IMMP2L: variants seen among roughly 807,000 people sequenced by gnomAD.
The protein encoded by IMMP2L is inner mitochondrial membrane peptidase subunit 2, also known as mitochondrial inner membrane protease subunit 2.
A neutral mutation model predicts 19.3 loss-of-function variants in IMMP2L; 18 were observed. That is an observed-to-expected ratio of 0.93 (90% CI 0.64 to 1.38). The LOEUF is 1.38. Among genes scored for constraint, IMMP2L ranks in the 40% most tolerant of loss-of-function variants. The pLI is 0.00. For missense variants in IMMP2L, 233 were observed against 218.2 expected, an observed-to-expected ratio of 1.07 and a Z score of -0.43; for synonymous variants, 76 against 73.0, an observed-to-expected ratio of 1.04 and a Z score of -0.21.
chr7:110,908,488 C>T (rs1812711005), intron 4 of IMMP2L, among the ~76,000 whole-genome samples: 1 of 152,126 alleles, frequency 6.6e-6, no homozygotes, highest in Non-Finnish European at 1.5e-5. Context: ...ATGTTTCAGA[C>T]TTTTCTGTGT....
intron 3 of IMMP2L, among the ~76,000 whole-genome samples, chr7:111,394,134 A>G (rs1385602355): frequency 6.6e-6 from 1 of 152,180 alleles, no homozygotes; most frequent in South Asian, 2.1e-4. Flanking sequence ...CGATAATATC[A>G]TAGTTTAACT....
At chr7:111,543,851 GA>G (rs1848685993) in intron 1 of IMMP2L, among the ~76,000 whole-genome samples, 1 of 152,170 alleles carries the variant, frequency 6.6e-6, no homozygotes, top group East Asian at 1.9e-4. Context: ...AAGCTGAACA[GA>G]AAATACTTTT....
chr7:110,779,011 T>C (rs755288729), intron 5 of IMMP2L, among the ~76,000 whole-genome samples: 3 of 151,942 alleles, frequency 2.0e-5, no homozygotes, highest in Admixed American at 6.6e-5. Flanking sequence ...GTAACATGAA[T>C]AGAAAGCGAA....
At chr7:110,680,512 A>G (rs1348147489) in intron 5 of IMMP2L, among the ~76,000 whole-genome samples, 2 of 152,128 alleles carry the variant, frequency 1.3e-5, no homozygotes, top group Admixed American at 1.3e-4. Flanking sequence ...AGTGGTCTAA[A>G]CCCGAGAAAA....
intron 3 of IMMP2L, among the ~76,000 whole-genome samples, chr7:111,226,595 C>G (rs1813129909): frequency 6.6e-6 from 1 of 152,090 alleles, no homozygotes; most frequent in South Asian, 2.1e-4. Context: ...CTTTGATTTT[C>G]TGCTAAATGA....
chr7:111,205,611 C>G (rs943975434), intron 3 of IMMP2L, among the ~76,000 whole-genome samples: 1 of 151,806 alleles, frequency 6.6e-6, no homozygotes, highest in Non-Finnish European at 1.5e-5. Context: ...AATTTGTAAA[C>G]TATCCATATC....
rs181606093 is a variant in IMMP2L, at chr7:111,226,232, C to T, written c.239+261006G>A. 2.0e-4 allele frequency among the ~76,000 whole-genome samples: 31 copies of T among 152,174 alleles called. 1 individual carries two copies. The highest frequency in any genetic ancestry group is 2.0e-3 in the Admixed American group (30 of 15,266). On this transcript the variant is annotated intron_variant, in intron 3 of 5. Coordinates refer to ENST00000405709, the MANE Select transcript of IMMP2L (RefSeq NM_032549.4). ...AGTATGGCACAATCACGGCTCACTGCAGTCTCGACCTCCCAGATTCAACCA... is the reference window on the plus strand; with the variant it reads ...AGTATGGCACAATCACGGCTCACTGTAGTCTCGACCTCCCAGATTCAACCA...
intron 3 of IMMP2L, among the ~76,000 whole-genome samples, chr7:111,121,435 TTC>T (rs1254301835): frequency 6.6e-6 from 1 of 152,168 alleles, no homozygotes; most frequent in Non-Finnish European, 1.5e-5. Flanking sequence ...GAACAGACAA[TTC>T]TCAAAAGAAG....
At position 111,378,702 on chromosome 7, in the gene IMMP2L, G is replaced by C. The variant is rs117811105; in HGVS notation, c.239+108536C>G. Among the ~76,000 whole-genome samples the C allele has an allele frequency of 3.5e-3, 533 of 151,916 alleles. 6 individuals are homozygous for C. Among genetic ancestry groups the C allele is most frequent in the East Asian group, 0.022 (115 of 5,180 alleles). On this transcript the variant is annotated intron_variant, in intron 3 of 5. Coordinates refer to ENST00000405709, the MANE Select transcript of IMMP2L (RefSeq NM_032549.4). The stretch of plus-strand genomic sequence containing the variant: ...AATATCCAATTGCATTCTCACATCA[G>C]TATTAACAAAAAAGCTGTTAGCAAC...
At chr7:111,494,092 G>A (rs1014362330) in intron 2 of IMMP2L, among the ~76,000 whole-genome samples, 1 of 152,106 alleles carries the variant, frequency 6.6e-6, no homozygotes, top group African/African-American at 2.4e-5. Context: ...ATTTGATATG[G>A]CCACAGAATC....
At chr7:111,243,703 T>A (rs1487828175) in intron 3 of IMMP2L, among the ~76,000 whole-genome samples, 5 of 98,834 alleles carry the variant, frequency 5.1e-5, no homozygotes. Flanking sequence ...AGTGTGATAT[T>A]CCCCTTCCTG....
At chr7:111,311,683 T>C (rs970980619) in intron 3 of IMMP2L, among the ~76,000 whole-genome samples, 2 of 152,140 alleles carry the variant, frequency 1.3e-5, no homozygotes, top group South Asian at 4.1e-4. Context: ...GGCCATGATG[T>C]TGTATCAGGG....
At chr7:111,033,285 T>A (rs2129569286) in intron 3 of IMMP2L, among the ~76,000 whole-genome samples, 1 of 152,284 alleles carries the variant, frequency 6.6e-6, no homozygotes, top group South Asian at 2.1e-4. Flanking sequence ...CTATTACACA[T>A]TCAACCGTGA....
chr7:111,407,057 C>T (rs761274963), intron 3 of IMMP2L, among the ~76,000 whole-genome samples: 1 of 151,998 alleles, frequency 6.6e-6, no homozygotes, highest in African/African-American at 2.4e-5. Flanking sequence ...GAGTAAGACA[C>T]ATAAATATGT....
chr7:111,561,076 T>A (rs1206664478), intron 1 of IMMP2L, among the ~76,000 whole-genome samples: 7 of 152,142 alleles, frequency 4.6e-5, no homozygotes, highest in Non-Finnish European at 7.4e-5. Context: ...CCCAACCTTG[T>A]GAGAGGAGCT....
At chr7:111,135,155 TG>T (rs1477066791) in intron 3 of IMMP2L, among the ~76,000 whole-genome samples, 2 of 152,146 alleles carry the variant, frequency 1.3e-5, no homozygotes, top group Admixed American at 6.5e-5. Flanking sequence ...TTAGCTTTAC[TG>T]AAACCAGAAG....
rs939609304 is a variant in IMMP2L at position 111,403,929 on chromosome 7, T to G, written c.239+83309A>C. Reference sequence around the variant, plus strand: ...AAGTCTTTTGAAAGGTTTGTGTTTATTTTTCTAACCTATATATTACTGTAA... The same window carrying G: ...AAGTCTTTTGAAAGGTTTGTGTTTAGTTTTCTAACCTATATATTACTGTAA... On this transcript the variant is annotated intron_variant, in intron 3 of 5. Coordinates refer to ENST00000405709, the MANE Select transcript of IMMP2L (RefSeq NM_032549.4). Among the ~76,000 whole-genome samples, 7 of 152,116 alleles carry G rather than the reference T, an allele frequency of 4.6e-5. 1 individual carries two copies. The highest frequency in any genetic ancestry group is 1.4e-4 in the African/African-American group (6 of 41,428).
chr7:111,539,196 G>GAAGGAAGGAAGGAAGGAAGGAAGGAGAA (rs1848235484), intron 1 of IMMP2L, among the ~76,000 whole-genome samples: 1 of 30,052 alleles, frequency 3.3e-5, no homozygotes, highest in African/African-American at 1.7e-4. Context: ...AGGAAGGAGG[G>GAAGGAAGGAAGGAAGGAAGGAAGGAGAA]AGAAAGAAAG....
intron 3 of IMMP2L, among the ~76,000 whole-genome samples, chr7:111,085,534 G>T (rs1796242230): frequency 6.6e-6 from 1 of 152,120 alleles, no homozygotes; most frequent in Admixed American, 6.5e-5. Flanking sequence ...GACTGATGTG[G>T]GATGGTACCA....
Sources: gnomAD v4.1 joint callset for allele counts (sites outside exome capture counted in the v4.1 genomes callset) on GRCh38, gnomAD v4.1.1 for gene constraint, MANE v1.5 for transcripts, NCBI Gene and HGNC (gene_info 2026-07-23, HGNC 2026-07-21) for gene names.